Variants in CCSER1 observed in about 807,000 individuals in gnomAD.
CCSER1 encodes the protein serine-rich coiled-coil domain-containing protein 1.
In CCSER1, 41 loss-of-function variants were observed where a neutral mutation model predicts 82.0. The ratio of observed to expected loss-of-function variants is 0.50; its 90% CI spans 0.39 to 0.65. The LOEUF (loss-of-function observed/expected upper bound fraction) is 0.65, where lower values mean the gene tolerates loss of function less well. Among genes scored for constraint, CCSER1 ranks in the 30% least tolerant of loss-of-function variants. The pLI, the probability that CCSER1 is intolerant of heterozygous loss-of-function variation, is 0.00. For missense variants in CCSER1, 1,119 were observed against 1,064.2 expected, an observed-to-expected ratio of 1.05 and a Z score of -0.72; for synonymous variants, 414 against 383.9, an observed-to-expected ratio of 1.08 and a Z score of -0.92.
chr4:90,893,129 T>C (rs2150120608), intron 8 of CCSER1, among the ~76,000 whole-genome samples: 1 of 152,136 alleles, frequency 6.6e-6, no homozygotes, highest in East Asian at 1.9e-4. Context: ...ATAGTCACTG[T>C]CAGTCTAGAG....
At chr4:90,510,049 A>G (rs1311432241) in intron 5 of CCSER1, among the ~76,000 whole-genome samples, 1 of 152,180 alleles carries the variant, frequency 6.6e-6, no homozygotes, top group Admixed American at 6.5e-5. Flanking sequence ...AGTGTGCTAG[A>G]ACTTTAACAT....
intron 10 of CCSER1, among the ~76,000 whole-genome samples, chr4:91,365,554 A>G (rs548909311): frequency 1.3e-5 from 2 of 152,334 alleles, no homozygotes; most frequent in South Asian, 4.1e-4. Context: ...CAGACTCTTT[A>G]TAGCTGAACT....
chr4:90,626,969 G>C (rs1005651313), intron 5 of CCSER1, among the ~76,000 whole-genome samples: 1 of 152,094 alleles, frequency 6.6e-6, no homozygotes, highest in African/African-American at 2.4e-5. Flanking sequence ...TTACTTATCT[G>C]TACTTTATTT....
chr4:91,496,399 A>T (rs1244509666), intron 10 of CCSER1, among the ~76,000 whole-genome samples: 2 of 150,028 alleles, frequency 1.3e-5, no homozygotes. Flanking sequence ...TACTAAACAT[A>T]TGCTTCTTTT....
chr4:90,585,172 T>C (rs1781856403), intron 5 of CCSER1, among the ~76,000 whole-genome samples: 1 of 152,182 alleles, frequency 6.6e-6, no homozygotes. Context: ...AAAGCCACAA[T>C]GAAATATTAC....
intron 8 of CCSER1, among the ~76,000 whole-genome samples, chr4:90,832,085 CTTTT>C (rs143981503): frequency 6.6e-6 from 1 of 151,056 alleles, no homozygotes. Flanking sequence ...CTATGTGACT[CTTTT>C]TTTTTCCTAG....
intron 7 of CCSER1, among the ~76,000 whole-genome samples, chr4:90,771,232 C>T (rs1009822887): frequency 7.3e-5 from 11 of 151,622 alleles, no homozygotes; most frequent in African/African-American, 9.7e-5. Context: ...TCCCTTCATT[C>T]GAAATAAAAT....
At chr4:91,014,307 C>CT (rs1213043562) in intron 9 of CCSER1, among the ~76,000 whole-genome samples, 1 of 133,952 alleles carries the variant, frequency 7.5e-6, no homozygotes, top group East Asian at 2.4e-4. Context: ...AAAAGCAAAA[C>CT]TTATAAGGAC....
intron 10 of CCSER1, among the ~76,000 whole-genome samples, chr4:91,428,774 T>C (rs913929752): frequency 2.0e-5 from 3 of 152,086 alleles, no homozygotes; most frequent in Non-Finnish European, 4.4e-5. Context: ...AATTCTCTCC[T>C]TTTGATACAT....
At chr4:90,991,382 A>G (rs1004383648) in intron 9 of CCSER1, among the ~76,000 whole-genome samples, 3 of 151,988 alleles carry the variant, frequency 2.0e-5, no homozygotes, top group Admixed American at 2.0e-4. Context: ...TGGTATCATC[A>G]GGCCATGCTG....
At chr4:91,230,788 TA>T (rs1738567482) in intron 10 of CCSER1, among the ~76,000 whole-genome samples, 1 of 151,824 alleles carries the variant, frequency 6.6e-6, no homozygotes, top group Admixed American at 6.6e-5. Context: ...AATCACAAGT[TA>T]AAACACAATT....
At chr4:91,151,384 T>C (rs1230626409) in intron 10 of CCSER1, among the ~76,000 whole-genome samples, 1 of 152,150 alleles carries the variant, frequency 6.6e-6, no homozygotes, top group Non-Finnish European at 1.5e-5. Context: ...GTCTTGCTAG[T>C]GGCCTATCAA....
At chr4:90,592,633 T>G (rs778977221) in intron 5 of CCSER1, among the ~76,000 whole-genome samples, 20 of 152,158 alleles carry the variant, frequency 1.3e-4, no homozygotes, top group Non-Finnish European at 2.2e-4. Flanking sequence ...TCTCTATAAC[T>G]GATGGTGATT....
chr4:90,949,799 A>C (rs1732693126), intron 9 of CCSER1, among the ~76,000 whole-genome samples: 1 of 152,054 alleles, frequency 6.6e-6, no homozygotes, highest in Non-Finnish European at 1.5e-5. Context: ...AATTATCCCT[A>C]CTGTACTGAT....
At chr4:90,160,833 A>C (rs1393843670) in intron 1 of CCSER1, among the ~76,000 whole-genome samples, 2 of 152,198 alleles carry the variant, frequency 1.3e-5, no homozygotes, top group Non-Finnish European at 2.9e-5. Context: ...TAGCAAAAAA[A>C]CAGGAATAAA....
chr4:90,745,641 T>C (rs898841438), intron 7 of CCSER1, among the ~76,000 whole-genome samples: 4 of 151,376 alleles, frequency 2.6e-5, no homozygotes, highest in Admixed American at 2.6e-4. Context: ...AGAAAGGAAT[T>C]TCCATTGTGC....
intron 10 of CCSER1, among the ~76,000 whole-genome samples, chr4:91,182,567 C>T (rs1319234690): frequency 6.6e-6 from 1 of 152,174 alleles, no homozygotes; most frequent in African/African-American, 2.4e-5. Context: ...GTGGCTTGTC[C>T]TTGAGAATTG....
intron 8 of CCSER1, among the ~76,000 whole-genome samples, chr4:90,921,773 T>C (rs1728415615): frequency 6.6e-6 from 1 of 152,030 alleles, no homozygotes; most frequent in South Asian, 2.1e-4. Context: ...AAAAAGTTTA[T>C]ATAATTACCG....
rs988306179 is a variant in CCSER1, at chr4:90,420,310, A to G, written c.1603+20181A>G. ...GCACTCTTTTCATACTCTGTGTTAA[A>G]TGATGTACTTAAGTGACAGAATAAT... is the stretch of plus-strand genomic sequence containing the variant. On this transcript the variant is annotated intron_variant, in intron 4 of 10. Transcript: ENST00000509176. 2.6e-5 allele frequency among the ~76,000 whole-genome samples: 4 copies of G among 152,104 alleles called. No individual in the cohort carries two copies. In the South Asian group the frequency reaches 6.2e-4, roughly 24 times the overall value.
Sources: gnomAD v4.1 joint callset for allele counts (sites outside exome capture counted in the v4.1 genomes callset) on GRCh38, gnomAD v4.1.1 for gene constraint, MANE v1.5 for transcripts, NCBI Gene and HGNC (gene_info 2026-07-23, HGNC 2026-07-21) for gene names.